Variants in MGAT4C observed in about 807,000 individuals in gnomAD.
MGAT4C encodes the protein MGAT4 family member C.
Under a neutral mutation model 40.1 loss-of-function variants are expected in MGAT4C, and 19 were observed. That is an observed-to-expected ratio of 0.47 (90% CI 0.33 to 0.70). MGAT4C has a LOEUF of 0.70. Among genes scored for constraint, MGAT4C ranks in the 30% least tolerant of loss-of-function variants. The probability of loss-of-function intolerance (pLI) is 0.02; values close to 1 mark genes in which losing one functional copy is unlikely to be tolerated. For missense variants in MGAT4C, 491 were observed against 563.2 expected (o/e 0.87, Z 1.30); for synonymous variants, 181 against 187.1 (o/e 0.97, Z 0.27).
chr12:86,347,272 G>A (rs1955057324), intron 3 of MGAT4C, among the ~76,000 whole-genome samples: 1 of 152,018 alleles, frequency 6.6e-6, no homozygotes. Flanking sequence ...GCCACATTAA[G>A]TCTAATTATA....
At chr12:86,424,715 T>C (rs1956892336) in intron 3 of MGAT4C, among the ~76,000 whole-genome samples, 1 of 152,152 alleles carries the variant, frequency 6.6e-6, no homozygotes, top group Non-Finnish European at 1.5e-5. Flanking sequence ...ATTAAATCAA[T>C]TAATTCTTAT....
At chr12:85,987,386 C>T (rs1885368776) in intron 3 of MGAT4C, among the ~76,000 whole-genome samples, 1 of 151,896 alleles carries the variant, frequency 6.6e-6, no homozygotes, top group Non-Finnish European at 1.5e-5. Flanking sequence ...ATCCGCCCGC[C>T]TCGGCCTCCC....
At chr12:86,166,057 T>TAAG (rs1274753024) in intron 1 of MGAT4C, among the ~76,000 whole-genome samples, 1 of 152,230 alleles carries the variant, frequency 6.6e-6, no homozygotes, top group Non-Finnish European at 1.5e-5. Context: ...AAATGTGCTT[T>TAAG]AAGAATCTGC....
chr12:86,595,873 CAG>C (rs1961517446), intron 2 of MGAT4C, among the ~76,000 whole-genome samples: 1 of 152,120 alleles, frequency 6.6e-6, no homozygotes, highest in Non-Finnish European at 1.5e-5. Context: ...AATATTTTTA[CAG>C]CTTCCGGTCA....
intron 2 of MGAT4C, among the ~76,000 whole-genome samples, chr12:86,539,357 T>A (rs896120748): frequency 6.6e-5 from 10 of 152,352 alleles, no homozygotes; most frequent in Middle Eastern, 3.4e-3. Context: ...CATGAACTCA[T>A]CATTTTTTAT....
intron 2 of MGAT4C, among the ~76,000 whole-genome samples, chr12:86,047,418 C>T (rs2136957360): frequency 6.6e-6 from 1 of 152,050 alleles, no homozygotes; most frequent in Non-Finnish European, 1.5e-5. Flanking sequence ...TTTCATTTTG[C>T]ATGAAAGAAA....
chr12:86,641,996 C>G (rs951192180), intron 2 of MGAT4C, among the ~76,000 whole-genome samples: 1 of 151,596 alleles, frequency 6.6e-6, no homozygotes, highest in African/African-American at 2.4e-5. Context: ...GTCAATAGGA[C>G]CATGTTTGAG....
chr12:86,493,232 A>G (rs1958173067), intron 2 of MGAT4C, among the ~76,000 whole-genome samples: 1 of 151,080 alleles, frequency 6.6e-6, no homozygotes, highest in Non-Finnish European at 1.5e-5. Context: ...TGTGGAAGTC[A>G]GTGTGGCGAT....
At chr12:86,777,239 A>T (rs1951762555) in intron 1 of MGAT4C, among the ~76,000 whole-genome samples, 1 of 152,210 alleles carries the variant, frequency 6.6e-6, no homozygotes, top group Non-Finnish European at 1.5e-5. Context: ...TGGAATGGCT[A>T]TTAAATCCAA....
intron 1 of MGAT4C, among the ~76,000 whole-genome samples, chr12:86,190,380 T>C (rs555471052): frequency 1.1e-4 from 17 of 152,262 alleles, no homozygotes; most frequent in Admixed American, 3.9e-4. Context: ...ATTGGCATAA[T>C]TAAAGTGTGT....
chr12:86,101,687 G>A (rs1360953288), intron 1 of MGAT4C, among the ~76,000 whole-genome samples: 1 of 151,804 alleles, frequency 6.6e-6, no homozygotes, highest in African/African-American at 2.4e-5. Context: ...TACAGTAAAA[G>A]CTGCATTTAC....
intron 2 of MGAT4C, among the ~76,000 whole-genome samples, chr12:86,557,321 C>A (rs1959657502): frequency 6.6e-6 from 1 of 152,176 alleles, no homozygotes; most frequent in African/African-American, 2.4e-5. Flanking sequence ...AAAGGCCTGC[C>A]TCACCCACCA....
chr12:86,299,549 A>G (rs1049432070), intron 4 of MGAT4C, among the ~76,000 whole-genome samples: 5 of 152,314 alleles, frequency 3.3e-5, no homozygotes, highest in African/African-American at 4.8e-5. Context: ...AATTTTTAAT[A>G]TATTAACTCA....
intron 2 of MGAT4C, among the ~76,000 whole-genome samples, chr12:86,725,343 T>C (rs1950803668): frequency 6.6e-6 from 1 of 152,170 alleles, no homozygotes; most frequent in Admixed American, 6.5e-5. Flanking sequence ...TCCTTAGCCT[T>C]AAACAACTTG....
rs1354067140 is a variant in MGAT4C at position 85,973,648 on chromosome 12, A to C, written c.*5641T>G. 6.6e-6 allele frequency: 1 copy of C among 150,872 alleles called. No individual in the cohort carries two copies. Among genetic ancestry groups the C allele is most frequent in the Non-Finnish European group, 1.5e-5 (1 of 67,078 alleles). The allele number at this position is 150,872 out of a possible 1,614,324, so 9.3% of individuals were successfully genotyped here. A position where few individuals can be genotyped will look rare whatever the true frequency, so the allele number is the denominator to read the frequency against. ...ACTTTTTAATCCAATATAATGTGAA[A>C]ATTTGATCATGCTATATTCTTAATT... is the stretch of plus-strand genomic sequence containing the variant. On this transcript the variant is annotated 3_prime_UTR_variant, in exon 5 of 5. Coordinates refer to ENST00000611864, the MANE Select transcript of MGAT4C (RefSeq NM_001351288.2).
At chr12:86,377,019 T>TA in intron 3 of MGAT4C, among the ~76,000 whole-genome samples, 1 of 151,890 alleles carries the variant, frequency 6.6e-6, no homozygotes, top group East Asian at 1.9e-4. Flanking sequence ...TTATTTTTGT[T>TA]AAAAGAAACA....
chr12:86,237,236 T>A (rs1951593883), intron 1 of MGAT4C, among the ~76,000 whole-genome samples: 1 of 151,686 alleles, frequency 6.6e-6, no homozygotes, highest in African/African-American at 2.4e-5. Flanking sequence ...CGGATATAGA[T>A]AACCTACTTA....
rs1208867175 is a variant in MGAT4C at position 85,969,092 on chromosome 12, A to C, written c.*10197T>G. 1 of 151,770 alleles carries C rather than the reference A, an allele frequency of 6.6e-6. No individual in the cohort carries two copies. The highest frequency in any genetic ancestry group is 1.5e-5 in the Non-Finnish European group (1 of 67,746). 9.4% of individuals were successfully genotyped at this position (151,770 alleles called of 1,614,324 possible). Reference sequence around the variant, plus strand: ...ATACATTGAAAGTGCCAATTCCTAGATCTATCCTAGATTTACAGGGAAGAA... The same window carrying C: ...ATACATTGAAAGTGCCAATTCCTAGCTCTATCCTAGATTTACAGGGAAGAA... On this transcript the variant is annotated 3_prime_UTR_variant, in exon 5 of 5. Transcript: ENST00000611864.
intron 1 of MGAT4C, among the ~76,000 whole-genome samples, chr12:86,829,996 A>G (rs1036078962): frequency 1.1e-4 from 16 of 151,460 alleles, no homozygotes; most frequent in African/African-American, 3.9e-4. Context: ...TAATAAACAA[A>G]AGAAAATGGT....
Sources: gnomAD v4.1 joint callset for allele counts (sites outside exome capture counted in the v4.1 genomes callset) on GRCh38, gnomAD v4.1.1 for gene constraint, MANE v1.5 for transcripts, NCBI Gene and HGNC (gene_info 2026-07-23, HGNC 2026-07-21) for gene names.